UNC79: variants seen among roughly 807,000 people sequenced by gnomAD.
UNC79 encodes unc-79 subunit of NALCN channel complex.
UNC79 carries 37 observed loss-of-function variants against 283.1 expected under a neutral mutation model. That is an observed-to-expected ratio of 0.13 (90% confidence interval 0.10 to 0.17). UNC79 has a LOEUF of 0.17. Among genes scored for constraint, UNC79 ranks in the 10% least tolerant of loss-of-function variants. The pLI, the probability that UNC79 is intolerant of heterozygous loss-of-function variation, is 1.00. For missense variants in UNC79, 2,272 were observed against 3,211.1 expected, an observed-to-expected ratio of 0.71 and a Z score of 7.07; for synonymous variants, 1,107 against 1,200.2, an observed-to-expected ratio of 0.92 and a Z score of 1.61.
chr14:93,357,778 G>GATATAT (rs1397519466), intron 1 of UNC79, among the ~76,000 whole-genome samples: 3 of 108,012 alleles, frequency 2.8e-5, no homozygotes, highest in African/African-American at 9.7e-5. Context: ...TGGATATGTG[G>GATATAT]ATATATGGAT....
chr14:93,373,239 A>G (rs1287385357), intron 1 of UNC79, among the ~76,000 whole-genome samples: 4 of 152,238 alleles, frequency 2.6e-5, no homozygotes, highest in Non-Finnish European at 5.9e-5. Context: ...TCCACCTTAG[A>G]AAACTAGAAG....
At chr14:93,706,644 A>G in intron 48 of UNC79, 60 bp from the exon 52 acceptor site, 1 of 1,595,012 alleles carries the variant, frequency 6.3e-7, no homozygotes, top group Non-Finnish European at 8.6e-7. Context: ...GCCCGGGTCG[A>G]CACTCCCTGG....
chr14:93,655,591 T>G (rs1693188705), intron 38 of UNC79, among the ~76,000 whole-genome samples, 184 bp downstream of exon 41: 1 of 148,838 alleles, frequency 6.7e-6, no homozygotes, highest in Non-Finnish European at 1.5e-5. Flanking sequence ...GACAGGAATG[T>G]GGAGTGAGCA....
At chr14:93,589,443 G>A (rs947565041) in intron 22 of UNC79, among the ~76,000 whole-genome samples, 3 of 152,038 alleles carry the variant, frequency 2.0e-5, no homozygotes, top group South Asian at 4.2e-4. Context: ...GGGGGATGGG[G>A]GGGAAGTTGG....
At chr14:93,628,746 A>G (rs2067770386) in intron 30 of UNC79, among the ~76,000 whole-genome samples, 1 of 152,206 alleles carries the variant, frequency 6.6e-6, no homozygotes, top group Admixed American at 6.5e-5. Flanking sequence ...CTCTATTCAG[A>G]TATTTATCTT....
In UNC79 at chr14:93,530,620, C is replaced by T. The variant is rs535876397; in HGVS notation, c.1093+1294C>T. Among the ~76,000 whole-genome samples, 305 of 151,064 alleles carry T rather than the reference C, an allele frequency of 2.0e-3. 3 individuals are homozygous for T. Among genetic ancestry groups the T allele is most frequent in the Non-Finnish European group, 3.3e-3 (224 of 67,692 alleles). On this transcript the variant is annotated intron_variant, in intron 10 of 48. Coordinates refer to ENST00000555664, the Ensembl canonical transcript of UNC79. ...GAGAAAGACCTTGTCTTAAAAAAAA[C>T]AAAAACAGGCCGGGCGCGGTGGCTC...
At chr14:93,360,163 T>C (rs985000857) in intron 1 of UNC79, among the ~76,000 whole-genome samples, 1 of 152,258 alleles carries the variant, frequency 6.6e-6, no homozygotes, top group South Asian at 2.1e-4. Context: ...TTAACATACT[T>C]AGCAGCTTGC....
intron 14 of UNC79, among the ~76,000 whole-genome samples, chr14:93,564,360 T>C (rs1350149702): frequency 2.0e-5 from 3 of 152,202 alleles, no homozygotes; most frequent in South Asian, 4.1e-4. Flanking sequence ...AGTTGTTGTT[T>C]TGTAGAAGGT....
intron 1 of UNC79, among the ~76,000 whole-genome samples, chr14:93,368,707 A>C (rs1409046465): frequency 6.6e-6 from 1 of 152,158 alleles, no homozygotes; most frequent in Non-Finnish European, 1.5e-5. Flanking sequence ...CCTGGACTCA[A>C]GTGATCCACC....
intron 14 of UNC79, among the ~76,000 whole-genome samples, chr14:93,559,225 T>C (rs1006140627): frequency 6.6e-6 from 1 of 152,218 alleles, no homozygotes; most frequent in South Asian, 2.1e-4. Flanking sequence ...AACAGCTGGA[T>C]TGGTTACAGG....
At position 93,617,260 on chromosome 14, in the gene UNC79, A is replaced by G; in HGVS notation, c.4180A>G (p.Ile1394Val). ...CTCCCTCTGGTCCCTAAAGCCTCACATCCGGCAGATGTGGTTGAAGGCCTT... is the reference window on the plus strand; with the variant it reads ...CTCCCTCTGGTCCCTAAAGCCTCACGTCCGGCAGATGTGGTTGAAGGCCTT... The change falls in exon 28 of 49, where the codon ATC (isoleucine) becomes GTC (valine). Residue 1394 changes from isoleucine to valine, a missense_variant. This residue lies in a region of UNC79 where 128 missense variants were observed against 230.3 expected (regional missense o/e 0.56). Transcript: ENST00000555664. This position sits in a 1 kb window ranked among gnomAD's most constrained non-coding sequence, Gnocchi z 4.5. The G allele has an allele frequency of 6.2e-7, 1 of 1,614,178 alleles. No homozygotes were observed. Among genetic ancestry groups the G allele is most frequent in the Non-Finnish European group, 8.5e-7 (1 of 1,180,026 alleles).
intron 1 of UNC79, among the ~76,000 whole-genome samples, chr14:93,348,529 A>G (rs1456275592): frequency 6.6e-6 from 1 of 152,198 alleles, no homozygotes; most frequent in African/African-American, 2.4e-5. Flanking sequence ...AGGTAATATA[A>G]GTTTAGCTAA....
chr14:93,557,281 G>A (rs570132344), intron 14 of UNC79, among the ~76,000 whole-genome samples: 1 of 152,290 alleles, frequency 6.6e-6, no homozygotes, highest in Admixed American at 6.5e-5. Context: ...TGGGACATCT[G>A]GACTTTCTGC....
intron 1 of UNC79, among the ~76,000 whole-genome samples, chr14:93,432,237 G>C (rs2055909273): frequency 1.3e-5 from 2 of 152,170 alleles, no homozygotes; most frequent in Non-Finnish European, 2.9e-5. Flanking sequence ...TAAACTGAAG[G>C]CTTATAGAAT....
chr14:93,703,665 TG>T (rs2075688000), intron 47 of UNC79, among the ~76,000 whole-genome samples: 1 of 152,222 alleles, frequency 6.6e-6, no homozygotes. Flanking sequence ...ATTCAATGCA[TG>T]ACAACACTAC....
chr14:93,650,721 C>T (rs1420805186), intron 35 of UNC79, among the ~76,000 whole-genome samples: 35 of 152,092 alleles, frequency 2.3e-4, no homozygotes, highest in Non-Finnish European at 7.4e-5. Context: ...AATATTTTCA[C>T]CCAGTCTGGG....
chr14:93,502,257 C>A (rs2059330563), intron 7 of UNC79, among the ~76,000 whole-genome samples: 1 of 151,728 alleles, frequency 6.6e-6, no homozygotes, highest in Non-Finnish European at 1.5e-5. Context: ...ACTAAAAATA[C>A]AAAAAAAATT....
chr14:93,361,522 A>G (rs929104284), intron 1 of UNC79, among the ~76,000 whole-genome samples: 3 of 151,880 alleles, frequency 2.0e-5, no homozygotes, highest in East Asian at 1.9e-4. Flanking sequence ...AAAAAAAAAA[A>G]AAAGAAAGAA....
In UNC79 at chr14:93,371,578, C is replaced by T. The variant is rs111754638; in HGVS notation, c.-351+38055C>T. ...AATTACAGCCGGGCTAGGTGGCTCA[C>T]GCCTGTAATCCCAGCACTTTGGGAG... On this transcript the variant is annotated intron_variant, in intron 1 of 49. Coordinates refer to the UNC79 transcript ENST00000256339. Among the ~76,000 whole-genome samples the T allele has an allele frequency of 3.2e-3, 489 of 152,010 alleles. 2 individuals carry two copies. The highest frequency in any genetic ancestry group is 0.014 in the Middle Eastern group (4 of 294).
Sources: gnomAD v4.1 joint callset for allele counts (sites outside exome capture counted in the v4.1 genomes callset) on GRCh38, gnomAD v4.1.1 for gene constraint, gnomAD v4.1.1 regional missense constraint, Gnocchi (gnomAD v3.1) non-coding constraint, MANE v1.5 for transcripts, NCBI Gene and HGNC (gene_info 2026-07-23, HGNC 2026-07-21) for gene names.